The following MAP2K1 variants were observed in gnomAD, a reference collection of about 807,000 sequenced individuals.
The protein encoded by MAP2K1 is mitogen-activated protein kinase kinase 1, also known as dual specificity mitogen-activated protein kinase kinase 1.
MAP2K1 carries 16 observed loss-of-function variants against 46.3 expected under a neutral mutation model. That is an observed-to-expected ratio of 0.35 (90% CI 0.23 to 0.52). The LOEUF (loss-of-function observed/expected upper bound fraction) is 0.52, where lower values mean the gene tolerates loss of function less well. Ranked by LOEUF, MAP2K1 falls within the 20% of genes least tolerant of loss-of-function variation. The pLI is 0.94. For missense variants in MAP2K1, 263 were observed against 497.1 expected (o/e 0.53, Z 4.48); for synonymous variants, 183 against 185.6 (o/e 0.99, Z 0.11).
chr15:66,489,113 TTAAAAA>T, intron 8 of MAP2K1, 96 bp from the exon 9 acceptor site: 1 of 943,036 alleles, frequency 1.1e-6, no homozygotes. Flanking sequence ...AGAGAAGACT[TTAAAAA>T]AAAGTAGCAC....
At chr15:66,402,398 C>T (rs1160656087) in intron 1 of MAP2K1, among the ~76,000 whole-genome samples, 2 of 152,140 alleles carry the variant, frequency 1.3e-5, no homozygotes, top group Non-Finnish European at 2.9e-5. Flanking sequence ...TGCATTTATC[C>T]ATCTGTTGTA....
At chr15:66,420,176 G>A (rs751623398) in intron 1 of MAP2K1, among the ~76,000 whole-genome samples, 6 of 151,154 alleles carry the variant, frequency 4.0e-5, no homozygotes, top group East Asian at 3.9e-4. Context: ...CCGGGGAGGC[G>A]GAGGTTGTGG....
At chr15:66,434,059 G>T (rs2093481315) in intron 1 of MAP2K1, among the ~76,000 whole-genome samples, 2 of 152,344 alleles carry the variant, frequency 1.3e-5, no homozygotes, top group South Asian at 4.1e-4. Context: ...CATTTGTTCA[G>T]CTGTAGCTGG....
intron 1 of MAP2K1, among the ~76,000 whole-genome samples, chr15:66,390,507 CAT>C (rs1448974104): frequency 1.3e-5 from 2 of 152,176 alleles, no homozygotes. Context: ...TTACCTCTAA[CAT>C]AGCCCTTACC....
chr15:66,434,945 G>A, intron 1 of MAP2K1, 82 bp from the exon 2 acceptor site: 1 of 947,198 alleles, frequency 1.1e-6, no homozygotes, highest in South Asian at 1.3e-5. Context: ...CAGACCTGGA[G>A]CTTTCTTTCC....
intron 5 of MAP2K1, among the ~76,000 whole-genome samples, chr15:66,449,013 A>AC (rs1192231678): frequency 1.3e-5 from 2 of 150,686 alleles, no homozygotes; most frequent in Non-Finnish European, 3.0e-5. Context: ...CAAAAAAAAA[A>AC]AAAAAAAAAA....
intron 1 of MAP2K1, among the ~76,000 whole-genome samples, chr15:66,401,629 A>G (rs2093381856): frequency 6.6e-6 from 1 of 152,116 alleles, no homozygotes; most frequent in African/African-American, 2.4e-5. Context: ...TAGGAGCACA[A>G]GAAGGAGGAA....
intron 1 of MAP2K1, among the ~76,000 whole-genome samples, chr15:66,426,360 CAAAA>C (rs35788598): frequency 7.2e-6 from 1 of 138,508 alleles, no homozygotes; most frequent in Non-Finnish European, 1.6e-5. Flanking sequence ...ATCAAGAAGA[CAAAA>C]AAAAAAAAAA....
chr15:66,390,775 C>T (rs1423379355), intron 1 of MAP2K1, among the ~76,000 whole-genome samples: 1 of 152,134 alleles, frequency 6.6e-6, no homozygotes, highest in Non-Finnish European at 1.5e-5. Flanking sequence ...AGTGATCTGC[C>T]TGTTGTCCCC....
chr15:66,448,316 A>AT (rs1198129616), intron 5 of MAP2K1, among the ~76,000 whole-genome samples: 1 of 152,154 alleles, frequency 6.6e-6, no homozygotes, highest in Non-Finnish European at 1.5e-5. Flanking sequence ...AGTTAGAATA[A>AT]TGTCTTCAAG....
intron 5 of MAP2K1, among the ~76,000 whole-genome samples, chr15:66,465,605 A>G (rs1239896740): frequency 6.6e-6 from 1 of 152,084 alleles, no homozygotes; most frequent in Non-Finnish European, 1.5e-5. Context: ...TTGGAGGCAG[A>G]AATTGGGCAT....
At chr15:66,403,647 T>G (rs1341737862) in intron 1 of MAP2K1, among the ~76,000 whole-genome samples, 2 of 152,202 alleles carry the variant, frequency 1.3e-5, no homozygotes, top group Non-Finnish European at 2.9e-5. Context: ...GGGTTCCAGA[T>G]TCAGGTTAAA....
intron 5 of MAP2K1, among the ~76,000 whole-genome samples, chr15:66,478,727 T>G (rs1369023933): frequency 1.3e-5 from 2 of 152,096 alleles, no homozygotes; most frequent in Non-Finnish European, 2.9e-5. Flanking sequence ...TCTGCCTACC[T>G]CAGCCTCCCA....
At chr15:66,400,278 C>T in intron 1 of MAP2K1, among the ~76,000 whole-genome samples, 1 of 151,196 alleles carries the variant, frequency 6.6e-6, no homozygotes, top group East Asian at 1.9e-4. Flanking sequence ...CCTGGCTCAA[C>T]CTCCCAAAGT....
intron 5 of MAP2K1, among the ~76,000 whole-genome samples, chr15:66,452,939 A>G (rs1892074580): frequency 6.6e-6 from 1 of 152,218 alleles, no homozygotes; most frequent in African/African-American, 2.4e-5. Context: ...CTGTGTATAT[A>G]TCTTCAGTCC....
chr15:66,440,092 TTTTG>T (rs142250454), intron 3 of MAP2K1, among the ~76,000 whole-genome samples: 12,193 of 151,930 alleles, frequency 0.08, 1,632 homozygotes, highest in African/African-American at 0.28. Flanking sequence ...GGGGTTCTGT[TTTTG>T]TTTGTTTGTT....
intron 1 of MAP2K1, 130 bp from the exon 2 acceptor site, chr15:66,434,897 T>G: frequency 1.3e-6 from 1 of 753,428 alleles, no homozygotes. Context: ...GGAGGGGGCC[T>G]CCTCTCTAGC....
intron 5 of MAP2K1, among the ~76,000 whole-genome samples, chr15:66,457,488 T>C (rs983266872): frequency 5.3e-5 from 8 of 152,230 alleles, no homozygotes; most frequent in African/African-American, 1.2e-4. Context: ...GTAAATGTTG[T>C]CTGTGCCTGC....
intron 1 of MAP2K1, among the ~76,000 whole-genome samples, chr15:66,415,977 A>G (rs1192423651): frequency 6.6e-6 from 1 of 152,172 alleles, no homozygotes; most frequent in African/African-American, 2.4e-5. Context: ...AAGTCAAATT[A>G]CAGAAGTCAC....
Sources: allele counts gnomAD v4.1 joint callset (sites outside exome capture counted in the v4.1 genomes callset), GRCh38; gene constraint gnomAD v4.1.1; transcripts MANE v1.5; gene names NCBI Gene and HGNC (gene_info 2026-07-23, HGNC 2026-07-21).